The following PDE1A variants were observed in gnomAD, a reference collection of about 807,000 sequenced individuals.
PDE1A encodes the protein dual specificity calcium/calmodulin-dependent 3',5'-cyclic nucleotide phosphodiesterase 1A.
A neutral mutation model predicts 61.7 loss-of-function variants in PDE1A; 35 were observed. The ratio of observed to expected loss-of-function variants is 0.57; its 90% confidence interval spans 0.43 to 0.75. The LOEUF is 0.75. Ranked by LOEUF, PDE1A falls within the 30% of genes least tolerant of loss-of-function variation. The pLI, the probability that PDE1A is intolerant of heterozygous loss-of-function variation, is 0.00. For synonymous variants in PDE1A, 232 were observed against 213.2 expected (o/e 1.09, Z -0.77); for missense variants, 597 against 630.6 (o/e 0.95, Z 0.57).
chr2:182,155,898 A>G (rs1259389335), intron 13 of PDE1A, among the ~76,000 whole-genome samples: 1 of 152,064 alleles, frequency 6.6e-6, no homozygotes, highest in African/African-American at 2.4e-5. Flanking sequence ...TCTCAATAAT[A>G]ATAATAATCC....
intron 2 of PDE1A, among the ~76,000 whole-genome samples, chr2:182,505,064 T>A (rs1028645479): frequency 3.3e-5 from 5 of 152,194 alleles, no homozygotes; most frequent in Non-Finnish European, 5.9e-5. Context: ...CTCACTGCAA[T>A]TGGGAAACTT....
chr2:182,536,094 C>G, the PDE1A span, among the ~76,000 whole-genome samples: 4 of 152,268 alleles, frequency 2.6e-5, no homozygotes, highest in South Asian at 8.3e-4. Context: ...GTGACTGACA[C>G]AGTATTTACA....
intron 2 of PDE1A, among the ~76,000 whole-genome samples, chr2:182,501,470 A>C (rs1314627358): frequency 6.6e-6 from 1 of 152,220 alleles, no homozygotes; most frequent in Non-Finnish European, 1.5e-5. Flanking sequence ...CTTTTCAGGA[A>C]TAGCCATGCT....
chr2:182,316,934 T>C (rs1160991608), intron 1 of PDE1A, among the ~76,000 whole-genome samples: 1 of 152,160 alleles, frequency 6.6e-6, no homozygotes, highest in East Asian at 1.9e-4. Flanking sequence ...GTTACTTACA[T>C]CCTTTTGTAA....
chr2:182,160,466 C>A (rs966589956), intron 13 of PDE1A, among the ~76,000 whole-genome samples: 3 of 152,122 alleles, frequency 2.0e-5, no homozygotes, highest in African/African-American at 7.2e-5. Context: ...TCAGCTTTTT[C>A]TTTTGGCCTC....
At chr2:182,543,697 T>TA in the PDE1A span, among the ~76,000 whole-genome samples, 17 of 151,132 alleles carry the variant, frequency 1.1e-4, no homozygotes, top group East Asian at 5.8e-4. Context: ...ATTTTTTCAT[T>TA]AAAAAAAAAG....
At chr2:182,389,558 T>C (rs1236568783) in intron 1 of PDE1A, among the ~76,000 whole-genome samples, 2 of 151,978 alleles carry the variant, frequency 1.3e-5, no homozygotes, top group African/African-American at 4.8e-5. Flanking sequence ...ATAAATAAAA[T>C]AAAACCAAAT....
chr2:182,701,760 A>C, the PDE1A span, among the ~76,000 whole-genome samples: 1 of 152,160 alleles, frequency 6.6e-6, no homozygotes, highest in Non-Finnish European at 1.5e-5. Flanking sequence ...CCCTCTTGTG[A>C]TTCTAGGTAG....
At chr2:182,529,315 T>C in the PDE1A span, among the ~76,000 whole-genome samples, 1 of 152,216 alleles carries the variant, frequency 6.6e-6, no homozygotes, top group South Asian at 2.1e-4. Context: ...AAGATTTGAC[T>C]GTCCCACTGG....
At chr2:182,572,344 C>T in the PDE1A span, among the ~76,000 whole-genome samples, 1 of 151,942 alleles carries the variant, frequency 6.6e-6, no homozygotes, top group African/African-American at 2.4e-5. Flanking sequence ...TGATATAACT[C>T]TGCAGGAAAA....
intron 2 of PDE1A, among the ~76,000 whole-genome samples, chr2:182,518,469 A>G (rs1023483549): frequency 6.6e-6 from 1 of 152,202 alleles, no homozygotes; most frequent in Admixed American, 6.5e-5. Flanking sequence ...AAGACAACGA[A>G]GCTTAACTTA....
intron 1 of PDE1A, among the ~76,000 whole-genome samples, chr2:182,276,253 G>T (rs1157692172): frequency 6.6e-6 from 1 of 152,028 alleles, no homozygotes; most frequent in African/African-American, 2.4e-5. Flanking sequence ...TAGAAGCTAT[G>T]CTCCAAATAG....
intron 1 of PDE1A, among the ~76,000 whole-genome samples, chr2:182,388,344 A>C (rs1701237215): frequency 6.6e-6 from 1 of 152,198 alleles, no homozygotes; most frequent in Non-Finnish European, 1.5e-5. Flanking sequence ...TATATACAGA[A>C]AACTTCATCC....
chr2:182,211,601 T>G (rs546959530), intron 7 of PDE1A, among the ~76,000 whole-genome samples: 1 of 152,340 alleles, frequency 6.6e-6, no homozygotes, highest in South Asian at 2.1e-4. Flanking sequence ...ATAGATGAAG[T>G]TGCGAAGAAC....
At chr2:182,574,800 C>T in the PDE1A span, among the ~76,000 whole-genome samples, 1 of 152,168 alleles carries the variant, frequency 6.6e-6, no homozygotes, top group African/African-American at 2.4e-5. Flanking sequence ...AAGTGATTCT[C>T]CTGCCTCAGC....
chr2:182,640,714 T>C, the PDE1A span, among the ~76,000 whole-genome samples: 3 of 152,064 alleles, frequency 2.0e-5, no homozygotes, highest in Admixed American at 2.0e-4. Context: ...AAAAAAAGAA[T>C]TCTGAATTAT....
upstream of PDE1A, among the ~76,000 whole-genome samples, chr2:182,527,560 A>AC (rs1690797697): frequency 6.6e-6 from 1 of 151,206 alleles, no homozygotes; most frequent in Non-Finnish European, 1.5e-5. Flanking sequence ...CATGTCAAAA[A>AC]AAGAAAAAAA....
At chr2:182,420,920 T>C (rs188744040) in intron 1 of PDE1A, among the ~76,000 whole-genome samples, 1 of 152,282 alleles carries the variant, frequency 6.6e-6, no homozygotes, top group Admixed American at 6.5e-5. Context: ...ATCAAATACA[T>C]AAATAAACTG....
At chr2:182,525,118 TCTC>T (rs1015949480), upstream of PDE1A, among the ~76,000 whole-genome samples, 16 of 152,232 alleles carry the variant, frequency 1.1e-4, no homozygotes, top group African/African-American at 3.1e-4. Context: ...AATAATAACA[TCTC>T]CTCATAGTGT....
Sources: allele counts gnomAD v4.1 joint callset (sites outside exome capture counted in the v4.1 genomes callset), GRCh38; gene constraint gnomAD v4.1.1; transcripts MANE v1.5; gene names NCBI Gene and HGNC (gene_info 2026-07-23, HGNC 2026-07-21).